Variants in PIGB observed in about 807,000 individuals in gnomAD.
PIGB encodes the protein phosphatidylinositol glycan anchor biosynthesis class B, also known as GPI alpha-1,2-mannosyltransferase 3.
Under a neutral mutation model 68.4 loss-of-function variants are expected in PIGB, and 58 were observed. The ratio of observed to expected loss-of-function variants is 0.85; its 90% CI spans 0.69 to 1.06. PIGB has a LOEUF of 1.06. Among genes scored for constraint, PIGB ranks in the 50% least tolerant of loss-of-function variants. The probability of loss-of-function intolerance (pLI) is 0.00; values close to 1 mark genes in which losing one functional copy is unlikely to be tolerated. For synonymous variants in PIGB, 219 were observed against 220.5 expected, an observed-to-expected ratio of 0.99 and a Z score of 0.06; for missense variants, 634 against 655.8, an observed-to-expected ratio of 0.97 and a Z score of 0.36.
chr15:55,355,224 T>C (rs2056050880), intron 11 of PIGB, 62 bp from the exon 12 acceptor site: 11 of 1,329,908 alleles, frequency 8.3e-6, no homozygotes, highest in Non-Finnish European at 1.0e-5. Flanking sequence ...ATTCTAAAAT[T>C]GACTGAAACA....
Position 55,340,841 on chromosome 15 carries a change from C to A in PIGB, c.1058+18C>A. On this transcript the variant is annotated intron_variant, in intron 8 of 11. Transcript: ENST00000164305. The stretch of plus-strand genomic sequence containing the variant: ...GTTTATAGGTAAGATTTTATTTGTT[C>A]AAAAGGCTAAAATTTTTTATGTTAC... The A allele has an allele frequency of 1.4e-6, 2 of 1,461,332 alleles. No homozygotes were observed. Among genetic ancestry groups the A allele is most frequent in the African/African-American group, 1.4e-5 (1 of 70,472 alleles). The allele number at this position is 1,461,332 out of a possible 1,614,324, so 90.5% of individuals were successfully genotyped here. A position where few individuals can be genotyped will look rare whatever the true frequency, so the allele number is the denominator to read the frequency against.
intron 7 of PIGB, among the ~76,000 whole-genome samples, chr15:55,339,868 AGGGTGAGAGAG>A (rs899418050): frequency 1.3e-5 from 2 of 152,152 alleles, no homozygotes; most frequent in Admixed American, 6.6e-5. Context: ...AGGGTGGGGA[AGGGTGAGAGAG>A]GGGTGAGAAA....
At position 55,350,914 on chromosome 15, in the gene PIGB, T is replaced by C; in HGVS notation, c.1337+2T>C. On this transcript the variant is annotated splice_donor_variant, in intron 10 of 11. Coordinates refer to ENST00000164305, the MANE Select transcript of PIGB (RefSeq NM_004855.5). LOFTEE classifies it high-confidence loss of function. Reference sequence around the variant, plus strand: ...TTGCCACTCTACTCCTTATTACAGGTAATAAAAGATGTTCCACTATATGCT... The same window carrying C: ...TTGCCACTCTACTCCTTATTACAGGCAATAAAAGATGTTCCACTATATGCT... 1 of 1,458,380 alleles carries C rather than the reference T, an allele frequency of 6.9e-7. No homozygotes were observed. The highest frequency in any genetic ancestry group is 9.6e-7 in the Non-Finnish European group (1 of 1,044,582). The allele number at this position is 1,458,380 out of a possible 1,614,324, so 90.3% of individuals were successfully genotyped here.
At chr15:55,323,923 T>C (rs1244490849) in intron 3 of PIGB, among the ~76,000 whole-genome samples, 2 of 152,234 alleles carry the variant, frequency 1.3e-5, no homozygotes, top group African/African-American at 4.8e-5. Flanking sequence ...AATCTCACTC[T>C]GTCGCCCAGG....
At chr15:55,332,531 C>T (rs919125507) in intron 5 of PIGB, among the ~76,000 whole-genome samples, 10 of 151,802 alleles carry the variant, frequency 6.6e-5, no homozygotes, top group African/African-American at 2.4e-4. Flanking sequence ...CCACCACACC[C>T]AGCTAATTTT....
intron 1 of PIGB, 168 bp from the exon 2 acceptor site, chr15:55,320,107 G>A: frequency 2.1e-6 from 1 of 470,272 alleles, no homozygotes; most frequent in Non-Finnish European, 3.8e-6. Context: ...CAGTGATGAC[G>A]CTGTGGTGCT....
chr15:55,321,646 CTTTTTTTTTT>C (rs966940527), intron 3 of PIGB, among the ~76,000 whole-genome samples: 1 of 68,348 alleles, frequency 1.5e-5, no homozygotes, highest in African/African-American at 6.2e-5. Context: ...ATACTTCTTT[CTTTTTTTTTT>C]TTTTTTTTTT....
rs1266534544 is a variant in PIGB at position 55,341,776 on chromosome 15, T to G, written c.1097T>G (p.Val366Gly). Residue 366 changes from valine to glycine, a missense_variant, in exon 9 of 12, where the codon GTT becomes GGT. Transcript: ENST00000164305. ...SHKEFRFIYPVLPFCMVFCGY... is the reference protein window; with the variant it reads ...SHKEFRFIYPGLPFCMVFCGY... ...AAAGAATTCAGGTTTATTTATCCAGTTTTACCATTCTGTATGGTGTTCTGT... is the reference window on the plus strand; with the variant it reads ...AAAGAATTCAGGTTTATTTATCCAGGTTTACCATTCTGTATGGTGTTCTGT... 6.8e-7 allele frequency: 1 copy of G among 1,464,720 alleles called. No homozygotes were observed. The highest frequency in any genetic ancestry group is 9.1e-7 in the Non-Finnish European group (1 of 1,095,186). The allele number at this position is 1,464,720 out of a possible 1,614,324, so 90.7% of individuals were successfully genotyped here. A position where few individuals can be genotyped will look rare whatever the true frequency, so the allele number is the denominator to read the frequency against.
chr15:55,337,594 G>A (rs2055566487), intron 6 of PIGB, among the ~76,000 whole-genome samples: 2 of 152,150 alleles, frequency 1.3e-5, no homozygotes. Flanking sequence ...ACCTGTTTGT[G>A]GGAAAACTGT....
At chr15:55,354,556 G>GACTT (rs1325189866) in intron 10 of PIGB, 4 of 395,778 alleles carry the variant, frequency 1.0e-5, no homozygotes, top group Non-Finnish European at 1.8e-5. Flanking sequence ...CCTTGAAATG[G>GACTT]ACTTCTATGC....
rs1241497170 is a variant in PIGB at position 55,347,436 on chromosome 15, AATAATC to A, written c.1124-3258_1124-3253del. 3.3e-5 allele frequency among the ~76,000 whole-genome samples: 5 copies of A among 152,382 alleles called. No individual in the cohort carries two copies. In the South Asian group the frequency reaches 8.3e-4, roughly 25 times the overall value. On this transcript the variant is annotated intron_variant, in intron 9 of 11. Coordinates refer to ENST00000164305, the MANE Select transcript of PIGB (RefSeq NM_004855.5). ...GAGCGAGAGTCCATCTCAAAAAAAT[AATAATC>A]ATAAAGACAGTTCTATTTTAAATAA...
At chr15:55,325,963 G>A (rs780454195) in intron 3 of PIGB, among the ~76,000 whole-genome samples, 6 of 152,086 alleles carry the variant, frequency 3.9e-5, no homozygotes, top group African/African-American at 1.4e-4. Context: ...TTGGGAGGCC[G>A]AGGCAGGCGG....
At chr15:55,343,950 G>A (rs142470271) in intron 9 of PIGB, among the ~76,000 whole-genome samples, 1 of 152,248 alleles carries the variant, frequency 6.6e-6, no homozygotes, top group East Asian at 1.9e-4. Flanking sequence ...AGAAATCTCT[G>A]GACATTTAGA....
At chr15:55,329,628 T>A (rs1264839110) in intron 4 of PIGB, 96 bp from the exon 5 acceptor site, 7 of 1,004,682 alleles carry the variant, frequency 7.0e-6, no homozygotes, top group Admixed American at 4.9e-5. Context: ...GATGTCCTTT[T>A]CACAATATTT....
intron 7 of PIGB, among the ~76,000 whole-genome samples, chr15:55,339,721 G>C (rs1368288227): frequency 2.0e-5 from 3 of 152,158 alleles, no homozygotes; most frequent in African/African-American, 4.8e-5. Flanking sequence ...ATAAAACTTG[G>C]ATGGAGCTGG....
chr15:55,337,951 A>G (rs1396484565), intron 6 of PIGB, among the ~76,000 whole-genome samples: 1 of 152,212 alleles, frequency 6.6e-6, no homozygotes, highest in Non-Finnish European at 1.5e-5. Context: ...TAAAATTCAA[A>G]AAAAGATAAA....
At chr15:55,338,049 GGACT>G (rs1453379670) in intron 6 of PIGB, among the ~76,000 whole-genome samples, 21 of 152,280 alleles carry the variant, frequency 1.4e-4, no homozygotes, top group African/African-American at 4.3e-4. Flanking sequence ...GAGGAGGTAG[GGACT>G]GACTGATTGG....
intron 10 of PIGB, among the ~76,000 whole-genome samples, chr15:55,353,907 C>T (rs950159475): frequency 6.6e-6 from 1 of 151,834 alleles, no homozygotes; most frequent in Non-Finnish European, 1.5e-5. Flanking sequence ...ACCCGGCCTA[C>T]TCTAGTCTTT....
At chr15:55,341,014 A>T (rs1257803911) in intron 8 of PIGB, among the ~76,000 whole-genome samples, 191 bp downstream of exon 8, 1 of 152,058 alleles carries the variant, frequency 6.6e-6, no homozygotes. Flanking sequence ...AGTTTGCTTA[A>T]TAAGGATTAC....
Sources: allele counts gnomAD v4.1 joint callset (sites outside exome capture counted in the v4.1 genomes callset), GRCh38; gene constraint gnomAD v4.1.1; transcripts MANE v1.5; gene names NCBI Gene and HGNC (gene_info 2026-07-23, HGNC 2026-07-21).